Variants in SHROOM2 observed in about 807,000 individuals in gnomAD.
SHROOM2 encodes protein Shroom2.
Under a neutral mutation model 75.9 loss-of-function variants are expected in SHROOM2, and 33 were observed. That is an observed-to-expected ratio of 0.43 (90% CI 0.33 to 0.58). SHROOM2 has a LOEUF of 0.58. SHROOM2 is among the 20% of genes least tolerant of loss of function. SHROOM2 has a pLI of 0.04. For missense variants in SHROOM2, 1,434 were observed against 1,461.2 expected (o/e 0.98, Z 0.30); for synonymous variants, 655 against 663.6 (o/e 0.99, Z 0.20).
rs180714367 is a variant in SHROOM2 at position 9,803,474 on chromosome X, G to A, written c.165+16764G>A. Among the ~76,000 whole-genome samples, 180 of 111,678 alleles carry A rather than the reference G, an allele frequency of 1.6e-3. 2 individuals are homozygous for A. Among genetic ancestry groups the A allele is most frequent in the African/African-American group, 5.6e-3 (173 of 30,758 alleles). Reference sequence around the variant, plus strand: ...GACTGGCTCAGGTGCCAGAGGCTGGGTGGAGAGGCAGGCCTCCATGCTGTC... The same window carrying A: ...GACTGGCTCAGGTGCCAGAGGCTGGATGGAGAGGCAGGCCTCCATGCTGTC... On this transcript the variant is annotated intron_variant, in intron 1 of 9. Transcript: ENST00000380913.
chrX:9,858,100 A>G (rs2084082826), intron 1 of SHROOM2, among the ~76,000 whole-genome samples: 1 of 112,104 alleles, frequency 8.9e-6, no homozygotes, highest in Admixed American at 9.4e-5. Flanking sequence ...AGAGTTGTTC[A>G]AAAAAGAAAG....
intron 1 of SHROOM2, among the ~76,000 whole-genome samples, chrX:9,790,410 G>C (rs753346357): frequency 8.9e-6 from 1 of 112,048 alleles, no homozygotes; most frequent in East Asian, 2.8e-4. Flanking sequence ...TTTTGAAAAA[G>C]AGGGACCTGA....
chrX:9,829,175 C>T (rs1483474831), intron 1 of SHROOM2, among the ~76,000 whole-genome samples: 1 of 111,922 alleles, frequency 8.9e-6, no homozygotes, highest in African/African-American at 3.2e-5. Context: ...AGGCATGCGC[C>T]ACCACCCCCG....
At chrX:9,793,116 T>A (rs1284017175) in intron 1 of SHROOM2, among the ~76,000 whole-genome samples, 3 of 111,743 alleles carry the variant, frequency 2.7e-5, no homozygotes, top group African/African-American at 9.8e-5. Context: ...TACTGGTCAT[T>A]TGGCCTGACT....
At chrX:9,856,308 G>T (rs111578694) in intron 1 of SHROOM2, among the ~76,000 whole-genome samples, 1 of 111,155 alleles carries the variant, frequency 9.0e-6, no homozygotes, top group Non-Finnish European at 1.9e-5. Context: ...AACTACCTCC[G>T]TGTAGCCCCA....
rs1054233498 is a variant in SHROOM2 at position 9,786,611 on chromosome X, C to T, written c.66C>T (p.Asp22=). 3.4e-6 allele frequency: 3 copies of T among 876,985 alleles called. No individual in the cohort carries two copies. Among genetic ancestry groups the T allele is most frequent in the Admixed American group, 6.6e-5 (1 of 15,182 alleles). The allele number at this position is 876,985 out of a possible 1,213,427, so 72.3% of individuals were successfully genotyped here. The change falls in exon 1 of 10, where the codon GAC becomes GAT. Residue 22 remains aspartate (D), a synonymous_variant. Transcript: ENST00000380913. ...RLAEAETRAA[D]GGRLVEVQLS... ...CCGAGGCCGAGACGCGGGCGGCGGA[C>T]GGCGGGCGCCTGGTGGAGGTGCAGC...
intron 1 of SHROOM2, among the ~76,000 whole-genome samples, chrX:9,787,614 TC>T (rs2083622383): frequency 8.9e-6 from 1 of 112,462 alleles, no homozygotes; most frequent in African/African-American, 3.2e-5. Flanking sequence ...TTCTCGGCTT[TC>T]CTGCCTCTCC....
At chrX:9,820,277 G>A (rs1440442219) in intron 1 of SHROOM2, among the ~76,000 whole-genome samples, 3 of 108,338 alleles carry the variant, frequency 2.8e-5, no homozygotes, top group African/African-American at 1.0e-4. Flanking sequence ...CTGTAACTGG[G>A]TCTTCAACAT....
chrX:9,872,019 A>G (rs2084173647), intron 1 of SHROOM2, among the ~76,000 whole-genome samples: 1 of 112,081 alleles, frequency 8.9e-6, no homozygotes. Context: ...CAGTTGGCAA[A>G]CCATTTTTGG....
intron 1 of SHROOM2, among the ~76,000 whole-genome samples, chrX:9,805,305 C>G (rs1015477792): frequency 2.7e-5 from 3 of 112,511 alleles, no homozygotes; most frequent in Non-Finnish European, 5.6e-5. Context: ...CCACTGTGCT[C>G]CAGGCACTGT....
chrX:9,852,926 A>G (rs928944309), intron 1 of SHROOM2, among the ~76,000 whole-genome samples: 13 of 111,376 alleles, frequency 1.2e-4, no homozygotes, highest in Non-Finnish European at 7.5e-5. Flanking sequence ...TTAACAATGG[A>G]TGGATGTAGA....
chrX:9,837,522 C>T (rs1373016325), intron 1 of SHROOM2, among the ~76,000 whole-genome samples: 3 of 112,218 alleles, frequency 2.7e-5, no homozygotes, highest in East Asian at 5.6e-4. Context: ...CCTGCCCTCC[C>T]GACAGGGCGG....
chrX:9,863,005 C>T (rs762497246), intron 1 of SHROOM2, among the ~76,000 whole-genome samples: 2 of 111,244 alleles, frequency 1.8e-5, no homozygotes, highest in South Asian at 3.8e-4. Flanking sequence ...AGTCCTGAGG[C>T]CCCAGGATCT....
At chrX:9,799,846 AC>A (rs1432403740) in intron 1 of SHROOM2, among the ~76,000 whole-genome samples, 1 of 110,997 alleles carries the variant, frequency 9.0e-6, no homozygotes, top group Non-Finnish European at 1.9e-5. Flanking sequence ...ATTTTCAATG[AC>A]CATTTTACCA....
chrX:9,910,677 C>T (rs1216928452), intron 5 of SHROOM2, among the ~76,000 whole-genome samples: 1 of 110,050 alleles, frequency 9.1e-6, no homozygotes, highest in African/African-American at 3.3e-5. Flanking sequence ...ATTAGCTGGG[C>T]ATGGTGGCGT....
At chrX:9,802,051 T>C (rs771452957) in intron 1 of SHROOM2, among the ~76,000 whole-genome samples, 24 of 111,725 alleles carry the variant, frequency 2.1e-4, no homozygotes, top group African/African-American at 7.4e-4. Flanking sequence ...TGAAGGTAGA[T>C]GTGTGGTGCT....
At chrX:9,912,728 A>G (rs1479843664) in intron 5 of SHROOM2, 8 of 111,908 alleles carry the variant, frequency 7.1e-5, no homozygotes, top group Non-Finnish European at 1.9e-5. Flanking sequence ...CTTGAAGGGC[A>G]GGTTGCTTGT....
In SHROOM2 at chrX:9,932,817, C is replaced by G; in HGVS notation, c.3534C>G (p.Pro1178=). 2 of 1,205,875 alleles carry G rather than the reference C, an allele frequency of 1.7e-6. No homozygotes were observed. The highest frequency in any genetic ancestry group is 2.3e-4 in the Middle Eastern group (1 of 4,344). Residue 1178 remains proline, a synonymous_variant, in exon 6 of 10, where the codon CCC becomes CCG. Coordinates refer to ENST00000380913, the MANE Select transcript of SHROOM2 (RefSeq NM_001649.4). ...TSRSPSPQFA[P]QKLTDKPPLL... is the part of the protein sequence containing the mutation. ...GCTCCCCCTCGCCCCAGTTCGCCCCCCAGAAACTGACGGACAAACCTCCCC... is the reference window on the plus strand; with the variant it reads ...GCTCCCCCTCGCCCCAGTTCGCCCCGCAGAAACTGACGGACAAACCTCCCC...
chrX:9,886,432 G>C (rs760779045), intron 2 of SHROOM2, among the ~76,000 whole-genome samples: 1 of 112,226 alleles, frequency 8.9e-6, no homozygotes, highest in Non-Finnish European at 1.9e-5. Flanking sequence ...TATACACTTT[G>C]GGTTTTTGTT....
Sources: gnomAD v4.1 joint callset for allele counts (sites outside exome capture counted in the v4.1 genomes callset) on GRCh38, gnomAD v4.1.1 for gene constraint, MANE v1.5 for transcripts, NCBI Gene and HGNC (gene_info 2026-07-23, HGNC 2026-07-21) for gene names.